Variants in NYAP2 observed in about 807,000 individuals in gnomAD.
NYAP2 encodes the protein neuronal tyrosine-phosphorylated phosphoinositide-3-kinase adapter 2.
In NYAP2, 23 loss-of-function variants were observed where a neutral mutation model predicts 50.4. The observed-to-expected ratio is 0.46, with a 90% CI of 0.33 to 0.65. The LOEUF is 0.65. NYAP2 is among the 30% of genes least tolerant of loss of function. The pLI is 0.02. For missense variants in NYAP2, 885 were observed against 861.0 expected, an observed-to-expected ratio of 1.03 and a Z score of -0.35; for synonymous variants, 394 against 365.2, an observed-to-expected ratio of 1.08 and a Z score of -0.90.
chr2:225,621,711 A>AT (rs911827299), intron 5 of NYAP2, among the ~76,000 whole-genome samples: 21 of 148,896 alleles, frequency 1.4e-4, no homozygotes, highest in South Asian at 8.6e-4. Flanking sequence ...GTTTTTTTTT[A>AT]TTTTTTTTTT....
At chr2:225,644,952 G>A (rs1439612265) in intron 6 of NYAP2, among the ~76,000 whole-genome samples, 4 of 152,088 alleles carry the variant, frequency 2.6e-5, no homozygotes, top group Admixed American at 1.3e-4. Flanking sequence ...AAAAAGCAAT[G>A]AAAGTTTATT....
At position 225,645,214 on chromosome 2, in the gene NYAP2, C is replaced by G. The variant is rs566188889; in HGVS notation, c.1829-6218C>G. ...TGGAGGTTGCAGTGAGCTGAGATCA[C>G]GTCACTGCACTCCAGCCTGGGCAGA... is the stretch of plus-strand genomic sequence containing the variant. On this transcript the variant is annotated intron_variant, in intron 6 of 6. Coordinates refer to ENST00000636099, the Ensembl canonical transcript of NYAP2. Among the ~76,000 whole-genome samples, 58 of 146,902 alleles carry G rather than the reference C, an allele frequency of 3.9e-4. No homozygotes were observed. The Middle Eastern group carries it at 0.014, about 35-fold the overall frequency.
At chr2:225,465,307 T>G (rs1016109940) in intron 3 of NYAP2, among the ~76,000 whole-genome samples, 11 of 152,118 alleles carry the variant, frequency 7.2e-5, no homozygotes, top group African/African-American at 2.7e-4. Context: ...TATGCCCATT[T>G]GTATATTCTG....
intron 3 of NYAP2, among the ~76,000 whole-genome samples, chr2:225,508,467 G>T (rs1201930422): frequency 2.0e-5 from 3 of 152,176 alleles, no homozygotes; most frequent in African/African-American, 7.2e-5. Flanking sequence ...AAGTATGTCA[G>T]TTCAGGTCTC....
At chr2:225,546,697 G>A (rs114313426) in intron 4 of NYAP2, among the ~76,000 whole-genome samples, 1,680 of 152,144 alleles carry the variant, frequency 0.011, 22 homozygotes, top group African/African-American at 0.037. Context: ...GGCCAAGCTG[G>A]CACCTAAAAT....
chr2:225,400,889 T>C (rs1694848777), exon 2 of NYAP2: 1 of 152,538 alleles, frequency 6.6e-6, no homozygotes, highest in Non-Finnish European at 1.5e-5. Flanking sequence ...TGCACTTTAA[T>C]TGAAGAAACA....
In NYAP2 at chr2:225,593,275, C is replaced by T. The variant is rs114888674; in HGVS notation, c.1618+10240C>T. 7.0e-3 allele frequency among the ~76,000 whole-genome samples: 1,059 copies of T among 152,254 alleles called. 17 individuals carry two copies. The highest frequency in any genetic ancestry group is 0.024 in the African/African-American group (1,010 of 41,546). ...AGACCTTAGATAAGTCAGTTTGCCT[C>T]TTAGTGTCTTAGTTTTCTCACTTTT... On this transcript the variant is annotated intron_variant, in intron 5 of 6. Transcript: ENST00000636099.
At chr2:225,659,175 C>T in the NYAP2 span, among the ~76,000 whole-genome samples, 7 of 152,196 alleles carry the variant, frequency 4.6e-5, no homozygotes, top group African/African-American at 1.7e-4. Flanking sequence ...TGTTATCTAA[C>T]TCTGCTGTCG....
At chr2:225,593,523 A>G (rs897516077) in intron 5 of NYAP2, among the ~76,000 whole-genome samples, 1 of 152,054 alleles carries the variant, frequency 6.6e-6, no homozygotes, top group African/African-American at 2.4e-5. Context: ...CAGTCTACCA[A>G]TTTCTCCATG....
At chr2:225,554,189 G>A (rs1020934951) in intron 4 of NYAP2, among the ~76,000 whole-genome samples, 2 of 150,824 alleles carry the variant, frequency 1.3e-5, no homozygotes, top group Admixed American at 6.6e-5. Flanking sequence ...AGTAATCCAA[G>A]GTGTTGTTAT....
At chr2:225,414,341 T>C (rs1051410230) in intron 3 of NYAP2, among the ~76,000 whole-genome samples, 15 of 152,178 alleles carry the variant, frequency 9.9e-5, no homozygotes, top group African/African-American at 3.6e-4. Context: ...TAATGGAGAA[T>C]GAAAAAATAT....
At chr2:225,683,989 T>G in the NYAP2 span, among the ~76,000 whole-genome samples, 32 of 152,290 alleles carry the variant, frequency 2.1e-4, no homozygotes, top group Non-Finnish European at 4.1e-4. Flanking sequence ...TCTAGTCAAT[T>G]TATGGGCAAA....
chr2:225,476,850 T>G (rs967666819), intron 3 of NYAP2, among the ~76,000 whole-genome samples: 2 of 152,214 alleles, frequency 1.3e-5, no homozygotes, highest in Non-Finnish European at 2.9e-5. Flanking sequence ...AGTGATGAGT[T>G]TCAGTATGTT....
intron 4 of NYAP2, among the ~76,000 whole-genome samples, chr2:225,514,536 T>C (rs1453553677): frequency 6.6e-6 from 1 of 152,142 alleles, no homozygotes; most frequent in Non-Finnish European, 1.5e-5. Flanking sequence ...CTTCTCCTTG[T>C]ATCCTCAAAG....
intron 3 of NYAP2, among the ~76,000 whole-genome samples, chr2:225,471,339 A>G (rs1690009966): frequency 6.6e-6 from 1 of 152,226 alleles, no homozygotes; most frequent in African/African-American, 2.4e-5. Flanking sequence ...TACTGCTTAG[A>G]AAACCAGCTT....
the NYAP2 span, among the ~76,000 whole-genome samples, chr2:225,664,428 G>T: frequency 0.021 from 3,264 of 152,246 alleles, 121 homozygotes; most frequent in African/African-American, 0.073. Context: ...GGATTAGTAT[G>T]TCATTGTATC....
intron 5 of NYAP2, among the ~76,000 whole-genome samples, chr2:225,610,758 G>A (rs1199997200): frequency 6.6e-6 from 1 of 152,102 alleles, no homozygotes; most frequent in Admixed American, 6.6e-5. Context: ...AATTGTTCTT[G>A]AAATGGGGGG....
At chr2:225,413,199 T>C (rs548669320) in intron 3 of NYAP2, among the ~76,000 whole-genome samples, 1 of 152,180 alleles carries the variant, frequency 6.6e-6, no homozygotes, top group Non-Finnish European at 1.5e-5. Flanking sequence ...ATTTCTCAAG[T>C]GTCTTTCTTT....
At chr2:225,473,837 G>T (rs1455849999) in intron 3 of NYAP2, among the ~76,000 whole-genome samples, 1 of 152,102 alleles carries the variant, frequency 6.6e-6, no homozygotes, top group Non-Finnish European at 1.5e-5. Context: ...GTCAATTTTG[G>T]CTTTTGTTGC....
Sources: allele counts gnomAD v4.1 joint callset (sites outside exome capture counted in the v4.1 genomes callset), GRCh38; gene constraint gnomAD v4.1.1; transcripts MANE v1.5; gene names NCBI Gene and HGNC (gene_info 2026-07-23, HGNC 2026-07-21).